The following NELL2 variants were observed in gnomAD, a reference collection of about 807,000 sequenced individuals.
NELL2 encodes neural EGFL like 2.
In NELL2, 41 loss-of-function variants were observed where a neutral mutation model predicts 109.6. The observed-to-expected ratio is 0.37, with a 90% CI of 0.29 to 0.49. The LOEUF (loss-of-function observed/expected upper bound fraction) is 0.49. Among genes scored for constraint, NELL2 ranks in the 20% least tolerant of loss-of-function variants. The pLI is 0.98. For missense variants in NELL2, 900 were observed against 1,008.3 expected, an observed-to-expected ratio of 0.89 and a Z score of 1.45; for synonymous variants, 355 against 344.7, an observed-to-expected ratio of 1.03 and a Z score of -0.33.
chr12:44,747,504 A>T (rs1330481355), intron 9 of NELL2, among the ~76,000 whole-genome samples: 1 of 152,110 alleles, frequency 6.6e-6, no homozygotes, highest in African/African-American at 2.4e-5. Context: ...TAGCATACAA[A>T]ATATGTGTTA....
intron 2 of NELL2, among the ~76,000 whole-genome samples, chr12:44,821,614 T>G (rs1473394150): frequency 6.6e-6 from 1 of 152,232 alleles, no homozygotes; most frequent in Admixed American, 6.5e-5. Context: ...TTCCAATGAT[T>G]ATTATGATAA....
chr12:44,542,616 G>A (rs1942627351), intron 15 of NELL2, among the ~76,000 whole-genome samples: 1 of 152,148 alleles, frequency 6.6e-6, no homozygotes, highest in Admixed American at 6.5e-5. Flanking sequence ...CCCAAATCCA[G>A]TGACTGGTGT....
At chr12:44,546,345 T>C (rs1023460762) in intron 15 of NELL2, among the ~76,000 whole-genome samples, 3 of 152,114 alleles carry the variant, frequency 2.0e-5, no homozygotes, top group African/African-American at 4.8e-5. Flanking sequence ...TGAGCGAGTG[T>C]CATATGCCTG....
At chr12:44,825,910 T>C (rs2136708569) in intron 2 of NELL2, among the ~76,000 whole-genome samples, 1 of 151,678 alleles carries the variant, frequency 6.6e-6, no homozygotes, top group South Asian at 2.1e-4. Flanking sequence ...AGCGTGGTGG[T>C]GCCTGCCTGT....
intron 13 of NELL2, among the ~76,000 whole-genome samples, chr12:44,648,900 TTG>T (rs563769057): frequency 0.017 from 1,812 of 107,110 alleles, 14 homozygotes; most frequent in South Asian, 0.054. Context: ...CACGCCCAGC[TTG>T]TGTGTGTGTG....
intron 15 of NELL2, among the ~76,000 whole-genome samples, chr12:44,554,858 T>C (rs552803921): frequency 1.3e-5 from 2 of 152,314 alleles, no homozygotes; most frequent in African/African-American, 4.8e-5. Context: ...AGCAAGACTG[T>C]GTGTGTTTGG....
chr12:44,629,459 C>A (rs1448399118), intron 13 of NELL2, among the ~76,000 whole-genome samples: 1 of 152,060 alleles, frequency 6.6e-6, no homozygotes, highest in African/African-American at 2.4e-5. Flanking sequence ...GGTACCCCTG[C>A]AGTAATAAAC....
intron 3 of NELL2, among the ~76,000 whole-genome samples, chr12:44,786,856 T>G (rs756676051): frequency 2.0e-5 from 3 of 151,868 alleles, no homozygotes; most frequent in Non-Finnish European, 4.4e-5. Flanking sequence ...GAGGAGAACA[T>G]CACGTACCGG....
intron 13 of NELL2, among the ~76,000 whole-genome samples, chr12:44,623,926 A>C (rs911468845): frequency 6.6e-6 from 1 of 151,664 alleles, no homozygotes. Flanking sequence ...CATGAGTGAG[A>C]GTTGAACAAT....
At chr12:44,535,590 T>C (rs1206274196) in intron 15 of NELL2, among the ~76,000 whole-genome samples, 1 of 151,974 alleles carries the variant, frequency 6.6e-6, no homozygotes, top group African/African-American at 2.4e-5. Context: ...TTTCCAAACA[T>C]GCAATTTATC....
At chr12:44,642,546 T>C (rs1946901266) in intron 13 of NELL2, among the ~76,000 whole-genome samples, 1 of 152,182 alleles carries the variant, frequency 6.6e-6, no homozygotes, top group Non-Finnish European at 1.5e-5. Flanking sequence ...AGGTCTACTA[T>C]ACAACAGTGT....
At chr12:44,747,819 C>G (rs1298975761) in intron 9 of NELL2, among the ~76,000 whole-genome samples, 1 of 152,078 alleles carries the variant, frequency 6.6e-6, no homozygotes, top group African/African-American at 2.4e-5. Context: ...AATTCAGAGG[C>G]ACATACAGAA....
At chr12:44,782,328 GA>G (rs199617659) in intron 3 of NELL2, among the ~76,000 whole-genome samples, 3 of 150,608 alleles carry the variant, frequency 2.0e-5, no homozygotes, top group East Asian at 1.9e-4. Flanking sequence ...CCCATGGTAA[GA>G]AAAAAAACAG....
chr12:44,577,590 G>A (rs1174791235), intron 15 of NELL2, among the ~76,000 whole-genome samples: 1 of 146,802 alleles, frequency 6.8e-6, no homozygotes, highest in Admixed American at 7.0e-5. Context: ...CCATTCTCCT[G>A]CCTCAGCCTC....
In NELL2 at chr12:44,803,462, T is replaced by G. The variant is rs373313060; in HGVS notation, c.335+12524A>C. Among the ~76,000 whole-genome samples the G allele has an allele frequency of 2.6e-5, 4 of 152,140 alleles. No homozygotes were observed. The East Asian group carries it at 5.8e-4, about 22-fold the overall frequency. ...TATTTAAAGGTGATGAAGTGTCTTGTCAGTAAATGGCTCAGAGGAATAAGA... is the reference window on the plus strand; with the variant it reads ...TATTTAAAGGTGATGAAGTGTCTTGGCAGTAAATGGCTCAGAGGAATAAGA... On this transcript the variant is annotated intron_variant, in intron 3 of 19. Transcript: ENST00000429094.
intron 2 of NELL2, among the ~76,000 whole-genome samples, chr12:44,867,270 G>A (rs1391592726): frequency 1.3e-5 from 2 of 152,136 alleles, no homozygotes; most frequent in African/African-American, 2.4e-5. Context: ...CACATTAAAA[G>A]TATCATTCAC....
intron 13 of NELL2, among the ~76,000 whole-genome samples, chr12:44,652,032 C>A (rs538003914): frequency 6.6e-6 from 1 of 152,180 alleles, no homozygotes; most frequent in South Asian, 2.1e-4. Flanking sequence ...AGTGTTGAAT[C>A]ATTAAGACAC....
rs776401724 is a variant in NELL2 at position 44,714,668 on chromosome 12, A to G, written c.1068T>C (p.Cys356=). ...RNTVYSSSGV[C]VLYECKDQTM... is the part of the protein sequence containing the mutation. ...TTCTTACCTTGCACTCATAGAGAAC[A>G]CATACTCCAGAAGAGGAATAGACTG... is the stretch of plus-strand genomic sequence containing the variant. The change falls in exon 10 of 20, where the codon TGT becomes TGC. Residue 356 remains cysteine (C), a synonymous_variant. Coordinates refer to ENST00000429094, the MANE Select transcript of NELL2 (RefSeq NM_001145108.2). 8 of 1,596,640 alleles carry G rather than the reference A, an allele frequency of 5.0e-6. No individual in the cohort carries two copies. The highest frequency in any genetic ancestry group is 6.0e-6 in the Non-Finnish European group (7 of 1,173,258).
chr12:44,688,472 T>G (rs1270716433), intron 12 of NELL2, among the ~76,000 whole-genome samples: 1 of 152,222 alleles, frequency 6.6e-6, no homozygotes, highest in Non-Finnish European at 1.5e-5. Context: ...TTTCACATTT[T>G]TAATCGTACT....
Sources: gnomAD v4.1 joint callset for allele counts (sites outside exome capture counted in the v4.1 genomes callset) on GRCh38, gnomAD v4.1.1 for gene constraint, MANE v1.5 for transcripts, NCBI Gene and HGNC (gene_info 2026-07-23, HGNC 2026-07-21) for gene names.